The following ROBO2 variants were observed in gnomAD, a reference collection of about 807,000 sequenced individuals.
ROBO2 encodes the protein roundabout guidance receptor 2, also known as roundabout homolog 2.
ROBO2 carries 53 observed loss-of-function variants against 160.8 expected under a neutral mutation model. The ratio of observed to expected loss-of-function variants is 0.33; its 90% CI spans 0.26 to 0.41. The LOEUF is 0.41. ROBO2 is among the 10% of genes least tolerant of loss of function. The pLI, the probability that ROBO2 is intolerant of heterozygous loss-of-function variation, is 1.00. For synonymous variants in ROBO2, 664 were observed against 611.7 expected (o/e 1.09, Z -1.26); for missense variants, 1,577 against 1,722.4 (o/e 0.92, Z 1.49).
intron 1 of ROBO2, among the ~76,000 whole-genome samples, chr3:75,924,096 T>C (rs1481276047): frequency 6.6e-6 from 1 of 152,232 alleles, no homozygotes; most frequent in Non-Finnish European, 1.5e-5. Context: ...TAATGCATGA[T>C]ACATAACTTT....
chr3:76,892,715 C>T (rs565476222), intron 2 of ROBO2, among the ~76,000 whole-genome samples: 5 of 152,252 alleles, frequency 3.3e-5, no homozygotes, highest in Admixed American at 3.3e-4. Flanking sequence ...AACACACAAC[C>T]AAACTTGCTT....
chr3:76,050,139 T>C (rs77838699), intron 2 of ROBO2, among the ~76,000 whole-genome samples: 3,126 of 152,204 alleles, frequency 0.021, 44 homozygotes, highest in East Asian at 0.08. Flanking sequence ...CTAGGAGACA[T>C]AGAACCACCC....
At position 76,865,380 on chromosome 3, in the gene ROBO2, G is replaced by C. The variant is rs569678776; in HGVS notation, c.110-232634G>C. Among the ~76,000 whole-genome samples, 70 of 147,002 alleles carry C rather than the reference G, an allele frequency of 4.8e-4. No individual in the cohort carries two copies. The Middle Eastern group carries it at 0.011, about 23-fold the overall frequency. The stretch of plus-strand genomic sequence containing the variant: ...TTAGATTCAAGAGCATCAAATAACT[G>C]TCCTATGGCTATCTAGGCTTGCTTT... On this transcript the variant is annotated intron_variant, in intron 2 of 26. Transcript: ENST00000487694.
At position 76,231,938 on chromosome 3, in the gene ROBO2, T is replaced by C. The variant is rs974192873; in HGVS notation, c.109+294336T>C. ...AAAATACTTGATAATTTTTTATTAC[T>C]TATTCTCTATACAGAAGTTTTTAAA... is the stretch of plus-strand genomic sequence containing the variant. On this transcript the variant is annotated intron_variant, in intron 2 of 26. Transcript: ENST00000487694. 2.1e-4 allele frequency among the ~76,000 whole-genome samples: 32 copies of C among 152,200 alleles called. 1 individual carries two copies.
intron 2 of ROBO2, among the ~76,000 whole-genome samples, chr3:76,389,148 G>A (rs1236377262): frequency 2.0e-5 from 3 of 152,184 alleles, no homozygotes; most frequent in South Asian, 2.1e-4. Context: ...TTGATTTTGG[G>A]TATGCAGGTC....
At chr3:76,836,151 A>G (rs931846358) in intron 2 of ROBO2, among the ~76,000 whole-genome samples, 3 of 152,036 alleles carry the variant, frequency 2.0e-5, no homozygotes, top group South Asian at 4.1e-4. Context: ...TGAAGCTGTT[A>G]TTAATATATT....
At chr3:76,744,272 G>T (rs1030124688) in intron 2 of ROBO2, among the ~76,000 whole-genome samples, 1 of 151,938 alleles carries the variant, frequency 6.6e-6, no homozygotes, top group Admixed American at 6.6e-5. Context: ...TTTCTTCTCC[G>T]CCTGTTACTT....
chr3:76,552,742 A>G (rs1354203677), intron 2 of ROBO2, among the ~76,000 whole-genome samples: 2 of 152,196 alleles, frequency 1.3e-5, no homozygotes, highest in Admixed American at 6.5e-5. Context: ...TGATATCTCA[A>G]TTTAACCTGA....
rs781063134 is a variant in ROBO2 at position 76,458,688 on chromosome 3, C to T, written c.109+521086C>T. 8.5e-5 allele frequency among the ~76,000 whole-genome samples: 13 copies of T among 152,090 alleles called. 1 individual carries two copies. The highest frequency in any genetic ancestry group is 1.5e-5 in the Non-Finnish European group (1 of 68,020). Reference sequence around the variant, plus strand: ...CTGAGAAGAAAAAGGAGGTTTAATTCGACTTACAGTTCCACATGGCTGGGT... The same window carrying T: ...CTGAGAAGAAAAAGGAGGTTTAATTTGACTTACAGTTCCACATGGCTGGGT... On this transcript the variant is annotated intron_variant, in intron 2 of 26. Coordinates refer to the ROBO2 transcript ENST00000487694.
chr3:76,026,490 A>G (rs558003924), intron 2 of ROBO2, among the ~76,000 whole-genome samples: 3 of 152,086 alleles, frequency 2.0e-5, no homozygotes, highest in East Asian at 1.9e-4. Flanking sequence ...ATGTCCTTCA[A>G]TAAGAGCAGC....
intron 2 of ROBO2, among the ~76,000 whole-genome samples, chr3:77,128,512 T>C (rs2075556390): frequency 6.6e-6 from 1 of 152,222 alleles, no homozygotes; most frequent in East Asian, 1.9e-4. Context: ...ATTAACAATA[T>C]GTGGATGACT....
At chr3:77,326,275 A>G (rs1181857905) in intron 2 of ROBO2, among the ~76,000 whole-genome samples, 3 of 152,158 alleles carry the variant, frequency 2.0e-5, no homozygotes, top group Admixed American at 6.5e-5. Context: ...AATGTGGGGA[A>G]TTTTGTGATT....
intron 2 of ROBO2, among the ~76,000 whole-genome samples, chr3:76,186,259 A>G (rs1035809624): frequency 1.3e-5 from 2 of 152,030 alleles, no homozygotes; most frequent in Middle Eastern, 3.2e-3. Flanking sequence ...GACTTGAATC[A>G]TAGTGCATTT....
intron 2 of ROBO2, among the ~76,000 whole-genome samples, chr3:76,282,163 A>G (rs1038140099): frequency 1.3e-5 from 2 of 152,038 alleles, no homozygotes; most frequent in African/African-American, 2.4e-5. Flanking sequence ...TTACCTGCAT[A>G]AGAACTATAG....
At chr3:77,049,182 T>G (rs930153084) in intron 1 of ROBO2, among the ~76,000 whole-genome samples, 3 of 151,862 alleles carry the variant, frequency 2.0e-5, no homozygotes, top group African/African-American at 7.3e-5. Flanking sequence ...GAAAAAAAGT[T>G]AGCTGGGCAT....
chr3:77,565,629 C>T (rs367877079), intron 12 of ROBO2, among the ~76,000 whole-genome samples: 1 of 152,118 alleles, frequency 6.6e-6, no homozygotes, highest in East Asian at 1.9e-4. Context: ...GAGGTTGGGG[C>T]CCAGTGTTTG....
At chr3:76,620,168 TTGTCCCACCAAA>T (rs1243616742) in intron 2 of ROBO2, among the ~76,000 whole-genome samples, 1 of 152,200 alleles carries the variant, frequency 6.6e-6, no homozygotes, top group Non-Finnish European at 1.5e-5. Context: ...TGATGTTTCT[TTGTCCCACCAAA>T]TGTCAAGGTT....
At chr3:76,057,411 T>G (rs1049542907) in intron 2 of ROBO2, among the ~76,000 whole-genome samples, 1 of 152,194 alleles carries the variant, frequency 6.6e-6, no homozygotes, top group Non-Finnish European at 1.5e-5. Context: ...TAGAAATACT[T>G]TAAAGGAGAC....
At chr3:76,612,812 C>G (rs1419110203) in intron 2 of ROBO2, among the ~76,000 whole-genome samples, 1 of 152,116 alleles carries the variant, frequency 6.6e-6, no homozygotes, top group Non-Finnish European at 1.5e-5. Flanking sequence ...TAATTGATCT[C>G]TTTATGATTA....
Sources: gnomAD v4.1 joint callset for allele counts (sites outside exome capture counted in the v4.1 genomes callset) on GRCh38, gnomAD v4.1.1 for gene constraint, MANE v1.5 for transcripts, NCBI Gene and HGNC (gene_info 2026-07-23, HGNC 2026-07-21) for gene names.